DAGLA: variants seen among roughly 807,000 people sequenced by gnomAD.
The protein encoded by DAGLA is diacylglycerol lipase-alpha.
A neutral mutation model predicts 102.6 loss-of-function variants in DAGLA; 22 were observed. The observed-to-expected ratio is 0.21, with a 90% CI of 0.15 to 0.31. The LOEUF is 0.31. Among genes scored for constraint, DAGLA ranks in the 10% least tolerant of loss-of-function variants. DAGLA has a pLI of 1.00. For synonymous variants in DAGLA, 578 were observed against 628.9 expected (o/e 0.92, Z 1.21); for missense variants, 927 against 1,446.6 (o/e 0.64, Z 5.83).
chr11:61,737,850 C>T (rs950338835), intron 15 of DAGLA, 95 bp downstream of exon 15: 74 of 1,109,398 alleles, frequency 6.7e-5, no homozygotes, highest in East Asian at 9.7e-5. Flanking sequence ...TCTCTCAGTC[C>T]GATTCCTGTC....
At position 61,741,156 on chromosome 11, in the gene DAGLA, C is replaced by A. The variant is rs1239447001; in HGVS notation, c.1984-6C>A. The A allele has an allele frequency of 1.2e-6, 2 of 1,610,556 alleles. No individual in the cohort carries two copies. The highest frequency in any genetic ancestry group is 4.5e-5 in the East Asian group (2 of 44,866). ...CCACCCCCAGCCTCCTCTGTCCTGTCCTCAGGTGCTGGAGAACTACAACAA... is the reference window on the plus strand; with the variant it reads ...CCACCCCCAGCCTCCTCTGTCCTGTACTCAGGTGCTGGAGAACTACAACAA... On this transcript the variant is annotated splice_region_variant and splice_polypyrimidine_tract_variant and intron_variant, in intron 18 of 19. Transcript: ENST00000257215.
intron 1 of DAGLA, among the ~76,000 whole-genome samples, chr11:61,698,004 C>G (rs1028348357): frequency 1.3e-5 from 2 of 152,262 alleles, no homozygotes; most frequent in African/African-American, 4.8e-5. Context: ...ACCAGGTCTT[C>G]TGGCAGCTAG....
chr11:61,704,981 T>C (rs889781137), intron 1 of DAGLA, among the ~76,000 whole-genome samples: 3 of 152,030 alleles, frequency 2.0e-5, no homozygotes, highest in Non-Finnish European at 4.4e-5. Context: ...TGGACTGACA[T>C]CCTGACCTGC....
At chr11:61,687,338 CT>C (rs879495403) in intron 1 of DAGLA, among the ~76,000 whole-genome samples, 114 of 146,702 alleles carry the variant, frequency 7.8e-4, no homozygotes, top group Middle Eastern at 3.6e-3. Context: ...CTCTAGCACT[CT>C]TTTTTTTTTT....
rs1293884788 is a variant in DAGLA at position 61,686,137 on chromosome 11, G to A, written c.-45+5633G>A. 4.6e-5 allele frequency among the ~76,000 whole-genome samples: 7 copies of A among 152,098 alleles called. No individual in the cohort carries two copies. In the South Asian group the frequency reaches 1.0e-3, roughly 23 times the overall value. On this transcript the variant is annotated intron_variant, in intron 1 of 19. Transcript: ENST00000257215. The surrounding 1 kb of genome is among the most constrained non-coding windows in gnomAD (Gnocchi z 5.2). ...ACCAGGGCAGTGGCCACTCTGCAGGGGAAAGGGGAGAGACAAAGCCTGGTT... is the reference window on the plus strand; with the variant it reads ...ACCAGGGCAGTGGCCACTCTGCAGGAGAAAGGGGAGAGACAAAGCCTGGTT...
chr11:61,740,619 C>T, intron 18 of DAGLA, 27 bp downstream of exon 18: 2 of 1,610,366 alleles, frequency 1.2e-6, no homozygotes, highest in Non-Finnish European at 1.7e-6. Flanking sequence ...CAGGGTACCA[C>T]CAGGGAATAA....
At position 61,735,808 on chromosome 11, in the gene DAGLA, G is replaced by A. The variant is rs1258434387; in HGVS notation, c.1282G>A (p.Gly428Ser). Reference protein sequence around the residue: ...PVEGHHGTWLGHKGMVLSAEY... With the variant: ...PVEGHHGTWLSHKGMVLSAEY... ...GGAGGGGCACCACGGCACCTGGCTG[G>A]GCCACAAGGTAACCCACGTCATGGA... Residue 428 changes from glycine to serine, a missense_variant, in exon 12 of 20, where the codon GGC becomes AGC. Physicochemically the swap from Gly to Ser is moderately conservative, Grantham distance 56. Transcript: ENST00000257215. The A allele has an allele frequency of 6.2e-7, 1 of 1,610,298 alleles. No homozygotes were observed. The highest frequency in any genetic ancestry group is 8.5e-7 in the Non-Finnish European group (1 of 1,178,396).
chr11:61,701,801 G>T (rs1214478555), intron 1 of DAGLA, among the ~76,000 whole-genome samples: 1 of 152,086 alleles, frequency 6.6e-6, no homozygotes, highest in Non-Finnish European at 1.5e-5. Flanking sequence ...TAGAGACAGG[G>T]TTTTGCTCTG....
At chr11:61,739,829 T>G (rs1188971896) in intron 17 of DAGLA, among the ~76,000 whole-genome samples, 168 bp downstream of exon 17, 1 of 152,132 alleles carries the variant, frequency 6.6e-6, no homozygotes, top group African/African-American at 2.4e-5. Flanking sequence ...GCTCTGGAAA[T>G]GGAACAAAAG....
chr11:61,688,763 C>G (rs1208825999), intron 1 of DAGLA, among the ~76,000 whole-genome samples: 1 of 151,984 alleles, frequency 6.6e-6, no homozygotes, highest in African/African-American at 2.4e-5. Context: ...CCACCCAGAC[C>G]TCCCCTCACC....
chr11:61,720,329 T>C, intron 2 of DAGLA, 79 bp downstream of exon 2: 3 of 1,446,580 alleles, frequency 2.1e-6, no homozygotes, highest in Non-Finnish European at 2.9e-6. Context: ...CATTTGTTCC[T>C]CCCTGCTTGG....
rs1490638213 is a variant in DAGLA, at chr11:61,683,248, C to T, written c.-45+2744C>T. ...AAGCCATGTGGGTGGAAGGAGGACA[C>T]GGCCCTCCCAGACCCAGGGTTGTGA... On this transcript the variant is annotated intron_variant, in intron 1 of 19. Transcript: ENST00000257215. Among the ~76,000 whole-genome samples, 4 of 152,330 alleles carry T rather than the reference C, an allele frequency of 2.6e-5. No homozygotes were observed. In the East Asian group the frequency reaches 5.8e-4, roughly 22 times the overall value.
At position 61,745,526 on chromosome 11, in the gene DAGLA, T is replaced by G. The variant is rs1350395605; in HGVS notation, c.*1037T>G. The G allele has an allele frequency of 1.3e-5, 2 of 152,602 alleles. No homozygotes were observed. The highest frequency in any genetic ancestry group is 2.9e-5 in the Non-Finnish European group (2 of 68,134). The allele number at this position is 152,602 out of a possible 1,614,324, so 9.5% of individuals were successfully genotyped here. A position where few individuals can be genotyped will look rare whatever the true frequency, so the allele number is the denominator to read the frequency against. ...TTCCTCCCTCCCACCCCCAATGTCC[T>G]GTTGGTAGGAGGTGGGGCCAAGAGT... On this transcript the variant is annotated 3_prime_UTR_variant, in exon 20 of 20. Transcript: ENST00000257215.
chr11:61,685,098 C>G (rs566567406), intron 1 of DAGLA, among the ~76,000 whole-genome samples: 5 of 152,146 alleles, frequency 3.3e-5, no homozygotes, highest in South Asian at 2.1e-4. Flanking sequence ...TCCCCTCCCC[C>G]CCATGACAGA....
At chr11:61,732,312 G>A (rs985176980) in intron 9 of DAGLA, among the ~76,000 whole-genome samples, 2 of 152,164 alleles carry the variant, frequency 1.3e-5, no homozygotes, top group African/African-American at 2.4e-5. Context: ...GTGGCTCTCG[G>A]GGCCTTATTC....
intron 1 of DAGLA, among the ~76,000 whole-genome samples, chr11:61,711,817 A>G (rs1591036067): frequency 6.6e-6 from 1 of 152,194 alleles, no homozygotes; most frequent in Non-Finnish European, 1.5e-5. Flanking sequence ...AGGCCCTGCA[A>G]CCTCAGGCCT....
At chr11:61,699,232 C>G (rs1292876229) in intron 1 of DAGLA, among the ~76,000 whole-genome samples, 1 of 152,222 alleles carries the variant, frequency 6.6e-6, no homozygotes, top group Non-Finnish European at 1.5e-5. Context: ...GACCATCCTT[C>G]CCTCCTGGCT....
chr11:61,738,056 G>T, intron 15 of DAGLA, 79 bp from the exon 16 acceptor site: 1 of 1,158,004 alleles, frequency 8.6e-7, no homozygotes, highest in South Asian at 1.3e-5. Context: ...GCGTGTGCCT[G>T]CCCCTCCGCC....
chr11:61,723,406 A>G, intron 4 of DAGLA, 28 bp from the exon 5 acceptor site: 1 of 1,604,474 alleles, frequency 6.2e-7, no homozygotes, highest in Non-Finnish European at 8.5e-7. Context: ...CAGCGCCCCT[A>G]CCTAATGCCT....
Sources: gnomAD v4.1 joint callset for allele counts (sites outside exome capture counted in the v4.1 genomes callset) on GRCh38, gnomAD v4.1.1 for gene constraint, Gnocchi (gnomAD v3.1) non-coding constraint, MANE v1.5 for transcripts, NCBI Gene and HGNC (gene_info 2026-07-23, HGNC 2026-07-21) for gene names.